DNAJC10: variants seen among roughly 807,000 people sequenced by gnomAD.
The protein encoded by DNAJC10 is DnaJ heat shock protein family (Hsp40) member C10.
Under a neutral mutation model 115.0 loss-of-function variants are expected in DNAJC10, and 101 were observed. The observed-to-expected ratio is 0.88, with a 90% CI of 0.75 to 1.04. DNAJC10 has a LOEUF of 1.04. Among genes scored for constraint, DNAJC10 ranks in the 50% least tolerant of loss-of-function variants. The pLI, the probability that DNAJC10 is intolerant of heterozygous loss-of-function variation, is 0.00. For synonymous variants in DNAJC10, 307 were observed against 301.5 expected (o/e 1.02, Z -0.19); for missense variants, 981 against 928.8 (o/e 1.06, Z -0.73).
At position 182,759,167 on chromosome 2, in the gene DNAJC10, C is replaced by T. The variant is rs765676820; in HGVS notation, c.2005C>T (p.Pro669Ser). The T allele has an allele frequency of 5.7e-6, 9 of 1,574,446 alleles. No individual in the cohort carries two copies. The Admixed American group carries it at 1.1e-4, about 19-fold the overall frequency. Reference protein sequence around the residue: ...SLRIWGLGFLPQVSTDLTPQT... With the variant: ...SLRIWGLGFLSQVSTDLTPQT... ...TTTGATCATTTGCCACAGATTTTTA[C>T]CTCAAGTATCCACAGATCTAACACC... is the stretch of plus-strand genomic sequence containing the variant. The change falls in exon 21 of 24, where the codon CCT becomes TCT. Residue 669 changes from proline (P) to serine (S), a missense_variant. Transcript: ENST00000264065.
rs1321740718 is a variant in DNAJC10, at chr2:182,731,276, CAT to C, written c.805+170_805+171del. ...TATTCGCCTTTTTCATTATTTTACA[CAT>C]GAGGTTATTATTCATTTTTTAATGT... On this transcript the variant is annotated intron_variant, in intron 9 of 23. Transcript: ENST00000264065. Among the ~76,000 whole-genome samples the C allele has an allele frequency of 1.4e-4, 21 of 152,140 alleles. No individual in the cohort carries two copies. In the South Asian group the frequency reaches 1.5e-3, roughly 11 times the overall value.
chr2:182,716,864 C>A (rs1280177558), intron 1 of DNAJC10, among the ~76,000 whole-genome samples, 152 bp from the exon 2 acceptor site: 1 of 152,174 alleles, frequency 6.6e-6, no homozygotes, highest in East Asian at 1.9e-4. Flanking sequence ...GCTCGGGCCA[C>A]GGGCAGTTCG....
At chr2:182,751,587 A>C in intron 14 of DNAJC10, 71 bp from the exon 15 acceptor site, 2 of 1,522,024 alleles carry the variant, frequency 1.3e-6, no homozygotes. Flanking sequence ...CTGAGTATTA[A>C]AACTTTGAAA....
In DNAJC10 at chr2:182,729,744, T is replaced by C. The variant is rs1693392628; in HGVS notation, c.634-104T>C. The C allele has an allele frequency of 6.2e-6, 4 of 647,214 alleles. No homozygotes were observed. The East Asian group carries it at 1.2e-4, about 19-fold the overall frequency. 40.1% of individuals were successfully genotyped at this position (647,214 alleles called of 1,614,324 possible). Reference sequence around the variant, plus strand: ...CTGCTATTGAGAAATAGAGCTTTGCTGCATTATTCAAGATAATGTAAAAAT... The same window carrying C: ...CTGCTATTGAGAAATAGAGCTTTGCCGCATTATTCAAGATAATGTAAAAAT... On this transcript the variant is annotated intron_variant, in intron 7 of 23. Coordinates refer to ENST00000264065, the MANE Select transcript of DNAJC10 (RefSeq NM_018981.4).
rs1182133385 is a variant in DNAJC10, at chr2:182,785,626, G to A, written c.*8494G>A. On this transcript the variant is annotated 3_prime_UTR_variant, in exon 24 of 24. Transcript: ENST00000264065. Reference sequence around the variant, plus strand: ...TGTGGGAAATTTTGTAGGACAAATGGTATGATTTCTTTAATGAAAAAGACA... The same window carrying A: ...TGTGGGAAATTTTGTAGGACAAATGATATGATTTCTTTAATGAAAAAGACA... The A allele has an allele frequency of 6.6e-6, 1 of 152,050 alleles. No homozygotes were observed. The highest frequency in any genetic ancestry group is 1.5e-5 in the Non-Finnish European group (1 of 67,972). The allele number at this position is 152,050 out of a possible 1,614,324, so 9.4% of individuals were successfully genotyped here.
Position 182,789,118 on chromosome 2 carries a change from C to A in DNAJC10, c.*11986C>A. On this transcript the variant is annotated 3_prime_UTR_variant, in exon 24 of 24. Coordinates refer to ENST00000264065, the MANE Select transcript of DNAJC10 (RefSeq NM_018981.4). ...ACCCTACTTTCTATCAATATGACTA[C>A]CATAGATATTTAATGTAAGTGAAAT... 5.0e-6 allele frequency: 1 copy of A among 198,272 alleles called. No homozygotes were observed. Among genetic ancestry groups the A allele is most frequent in the South Asian group, 8.1e-5 (1 of 12,310 alleles). The allele number at this position is 198,272 out of a possible 1,614,324, so 12.3% of individuals were successfully genotyped here.
At chr2:182,746,914 G>A (rs375717151) in intron 14 of DNAJC10, among the ~76,000 whole-genome samples, 2 of 151,714 alleles carry the variant, frequency 1.3e-5, no homozygotes, top group African/African-American at 2.4e-5. Context: ...TGTATAAGGT[G>A]TAAGGAAGGG....
rs965894446 is a variant in DNAJC10 at position 182,793,549 on chromosome 2, A to T, written c.*16417A>T. 1 of 152,176 alleles carries T rather than the reference A, an allele frequency of 6.6e-6. No individual in the cohort carries two copies. The highest frequency in any genetic ancestry group is 1.5e-5 in the Non-Finnish European group (1 of 68,034). 9.4% of individuals were successfully genotyped at this position (152,176 alleles called of 1,614,324 possible). The stretch of plus-strand genomic sequence containing the variant: ...CATAGACAGAAAACAAAAATTAAGT[A>T]CAGAAATAGCTTGATTGGTTACAGA... On this transcript the variant is annotated 3_prime_UTR_variant, in exon 24 of 24. Transcript: ENST00000264065.
chr2:182,721,341 A>G (rs1286849159), intron 4 of DNAJC10, among the ~76,000 whole-genome samples: 4 of 152,140 alleles, frequency 2.6e-5, no homozygotes, highest in African/African-American at 7.2e-5. Flanking sequence ...ATTTGCTTTT[A>G]TAAATAAGTT....
At chr2:182,774,334 C>T (rs1314533235) in intron 22 of DNAJC10, among the ~76,000 whole-genome samples, 1 of 152,192 alleles carries the variant, frequency 6.6e-6, no homozygotes, top group African/African-American at 2.4e-5. Flanking sequence ...CAGTCTGTCC[C>T]TTCTCAGAGC....
chr2:182,741,670 G>A (rs1693741093), intron 13 of DNAJC10, among the ~76,000 whole-genome samples: 1 of 151,788 alleles, frequency 6.6e-6, no homozygotes, highest in East Asian at 1.9e-4. Context: ...ATTCTTGGTC[G>A]TTGTTTAAAA....
Position 182,792,962 on chromosome 2 carries a change from G to C in DNAJC10, c.*15830G>C, listed in dbSNP as rs1041152601. The C allele has an allele frequency of 1.3e-5, 2 of 152,178 alleles. No individual in the cohort carries two copies. Among genetic ancestry groups the C allele is most frequent in the Non-Finnish European group, 2.9e-5 (2 of 68,036 alleles). The allele number at this position is 152,178 out of a possible 1,614,324, so 9.4% of individuals were successfully genotyped here. On this transcript the variant is annotated 3_prime_UTR_variant, in exon 24 of 24. Coordinates refer to ENST00000264065, the MANE Select transcript of DNAJC10 (RefSeq NM_018981.4). ...GTATGTTAGAAGTATGTTAGAAGAT[G>C]TGCTGTGAAATAAAGAAAAAGGTAG...
At chr2:182,722,380 T>C (rs139595888) in intron 5 of DNAJC10, among the ~76,000 whole-genome samples, 2 of 152,242 alleles carry the variant, frequency 1.3e-5, no homozygotes, top group Non-Finnish European at 2.9e-5. Context: ...TCTCAGAGCT[T>C]TTTGATTTTA....
intron 11 of DNAJC10, 123 bp from the exon 12 acceptor site, chr2:182,740,176 A>G (rs1037200338): frequency 8.6e-7 from 1 of 1,168,158 alleles, no homozygotes; most frequent in East Asian, 3.4e-5. Context: ...AATTGTTTGA[A>G]AAACTATTTA....
chr2:182,758,970 A>T, intron 20 of DNAJC10, 80 bp downstream of exon 20: 1 of 1,214,762 alleles, frequency 8.2e-7, no homozygotes, highest in South Asian at 1.3e-5. Flanking sequence ...AGTTAAATTT[A>T]CTGTGGGTTA....
intron 11 of DNAJC10, among the ~76,000 whole-genome samples, chr2:182,739,016 T>G (rs1257151030): frequency 6.6e-6 from 1 of 151,898 alleles, no homozygotes; most frequent in African/African-American, 2.4e-5. Flanking sequence ...TTATATAGGC[T>G]GTGTAATAGG....
intron 14 of DNAJC10, among the ~76,000 whole-genome samples, chr2:182,746,317 CT>C (rs1047639209): frequency 2.8e-4 from 42 of 152,338 alleles, no homozygotes; most frequent in African/African-American, 8.2e-4. Flanking sequence ...AGACTGACTT[CT>C]ACAATGGTTG....
intron 14 of DNAJC10, among the ~76,000 whole-genome samples, chr2:182,745,822 T>C (rs1310747809): frequency 1.3e-5 from 2 of 152,124 alleles, no homozygotes; most frequent in African/African-American, 4.8e-5. Flanking sequence ...TGTGCCATGC[T>C]GGTGCGCTGC....
rs1010300393 is a variant in DNAJC10, at chr2:182,786,904, T to A, written c.*9772T>A. On this transcript the variant is annotated 3_prime_UTR_variant, in exon 24 of 24. Coordinates refer to ENST00000264065, the MANE Select transcript of DNAJC10 (RefSeq NM_018981.4). ...GGTTTAAGTCATGAGGGCAGAGACC[T>A]CCTTTTTGAGATTGGTACACTTATA... The A allele has an allele frequency of 3.3e-5, 5 of 152,172 alleles. No individual in the cohort carries two copies. The highest frequency in any genetic ancestry group is 1.2e-4 in the African/African-American group (5 of 41,412). 9.4% of individuals were successfully genotyped at this position (152,172 alleles called of 1,614,324 possible).
Sources: gnomAD v4.1 joint callset for allele counts (sites outside exome capture counted in the v4.1 genomes callset) on GRCh38, gnomAD v4.1.1 for gene constraint, MANE v1.5 for transcripts, NCBI Gene and HGNC (gene_info 2026-07-23, HGNC 2026-07-21) for gene names.